The following R3HDM1 variants were observed in gnomAD, a reference collection of about 807,000 sequenced individuals.
R3HDM1 encodes R3H domain containing 1.
Under a neutral mutation model 141.1 loss-of-function variants are expected in R3HDM1, and 46 were observed. That is an observed-to-expected ratio of 0.33 (90% CI 0.26 to 0.42). The LOEUF is 0.42. Among genes scored for constraint, R3HDM1 ranks in the 10% least tolerant of loss-of-function variants. The pLI is 1.00. For missense variants in R3HDM1, 1,184 were observed against 1,368.3 expected (o/e 0.87, Z 2.12); for synonymous variants, 435 against 472.9 (o/e 0.92, Z 1.04).
At chr2:135,647,325 T>C (rs1002724345) in intron 16 of R3HDM1, among the ~76,000 whole-genome samples, 2 of 152,240 alleles carry the variant, frequency 1.3e-5, no homozygotes, top group African/African-American at 4.8e-5. Context: ...TGCAGTGCCA[T>C]GTATTTTACC....
At chr2:135,569,000 A>G (rs1408245803) in intron 1 of R3HDM1, among the ~76,000 whole-genome samples, 1 of 149,952 alleles carries the variant, frequency 6.7e-6, no homozygotes, top group African/African-American at 2.5e-5. Context: ...CTTGGGCATC[A>G]TATCTCCTCT....
At chr2:135,629,383 G>T (rs536895954) in intron 7 of R3HDM1, among the ~76,000 whole-genome samples, 1 of 152,166 alleles carries the variant, frequency 6.6e-6, no homozygotes, top group African/African-American at 2.4e-5. Flanking sequence ...TAAATTCTTT[G>T]TTGGGAAAAC....
chr2:135,694,299 A>G (rs1456155021), intron 21 of R3HDM1, among the ~76,000 whole-genome samples: 1 of 152,210 alleles, frequency 6.6e-6, no homozygotes, highest in African/African-American at 2.4e-5. Flanking sequence ...TAGAAGAGGT[A>G]TGTGTTGGAA....
rs757863745 is a variant in R3HDM1, at chr2:135,710,241, T to C, written c.2736+10T>C. The stretch of plus-strand genomic sequence containing the variant: ...AGACAATATTGTCCAGGTAAGATGG[T>C]TTTGTTCATTATCATTTTGAAACGT... On this transcript the variant is annotated intron_variant, in intron 23 of 26. Coordinates refer to ENST00000683871, the MANE Select transcript of R3HDM1 (RefSeq NM_001378107.1). 3 of 1,605,848 alleles carry C rather than the reference T, an allele frequency of 1.9e-6. No homozygotes were observed. The African/African-American group carries it at 4.0e-5, about 21-fold the overall frequency.
chr2:135,558,626 A>G (rs1177565461), intron 1 of R3HDM1, among the ~76,000 whole-genome samples: 1 of 152,240 alleles, frequency 6.6e-6, no homozygotes, highest in Non-Finnish European at 1.5e-5. Flanking sequence ...TAAAGAAATG[A>G]GTAGCCAGTA....
intron 21 of R3HDM1, among the ~76,000 whole-genome samples, chr2:135,698,631 A>C (rs577688178): frequency 1.3e-5 from 2 of 152,172 alleles, no homozygotes; most frequent in East Asian, 3.9e-4. Context: ...TGAGTAATCT[A>C]TAAAGAAAAG....
At chr2:135,652,646 G>A (rs2065267600) in intron 18 of R3HDM1, among the ~76,000 whole-genome samples, 1 of 152,180 alleles carries the variant, frequency 6.6e-6, no homozygotes, top group South Asian at 2.1e-4. Flanking sequence ...CCGGATGGTA[G>A]TAGCCTTAAA....
chr2:135,691,945 C>T (rs1280871924), intron 21 of R3HDM1, among the ~76,000 whole-genome samples: 1 of 151,784 alleles, frequency 6.6e-6, no homozygotes, highest in Non-Finnish European at 1.5e-5. Flanking sequence ...TAGAGTCTCA[C>T]TCTAGCCCAG....
At chr2:135,576,764 T>G (rs895147482) in intron 1 of R3HDM1, among the ~76,000 whole-genome samples, 2 of 152,146 alleles carry the variant, frequency 1.3e-5, no homozygotes, top group Admixed American at 6.5e-5. Flanking sequence ...GGCCACAGGT[T>G]GTATGATTTC....
At chr2:135,623,676 C>T (rs898137189) in intron 7 of R3HDM1, among the ~76,000 whole-genome samples, 1 of 152,134 alleles carries the variant, frequency 6.6e-6, no homozygotes, top group African/African-American at 2.4e-5. Context: ...GTTTATTCCT[C>T]AGTAGTCCCA....
chr2:135,692,805 A>G (rs968215317), intron 21 of R3HDM1, among the ~76,000 whole-genome samples: 20 of 152,136 alleles, frequency 1.3e-4, no homozygotes, highest in African/African-American at 4.3e-4. Context: ...CAGCTGTGGT[A>G]GTGGCAGTAG....
intron 1 of R3HDM1, chr2:135,577,226 A>C: frequency 1.0e-6 from 1 of 982,254 alleles, no homozygotes; most frequent in Non-Finnish European, 1.2e-6. Flanking sequence ...AAAATAAGAA[A>C]ATTTTACATG....
chr2:135,632,713 G>C (rs763478174), intron 9 of R3HDM1, among the ~76,000 whole-genome samples: 2 of 152,184 alleles, frequency 1.3e-5, no homozygotes, highest in Non-Finnish European at 2.9e-5. Context: ...GCTGAGTTCA[G>C]CTGAAATTTA....
At chr2:135,604,721 C>A in intron 2 of R3HDM1, 85 bp from the exon 3 acceptor site, 1 of 1,051,012 alleles carries the variant, frequency 9.5e-7, no homozygotes, top group Non-Finnish European at 1.4e-6. Flanking sequence ...AACATTATTT[C>A]TGGAACATAA....
At chr2:135,603,561 C>A (rs1003436433) in intron 2 of R3HDM1, among the ~76,000 whole-genome samples, 1 of 152,036 alleles carries the variant, frequency 6.6e-6, no homozygotes, top group Non-Finnish European at 1.5e-5. Context: ...TTTAAAGATG[C>A]ATTTCAGAAT....
intron 14 of R3HDM1, among the ~76,000 whole-genome samples, chr2:135,640,014 G>A (rs530990954): frequency 1.3e-4 from 19 of 151,354 alleles, no homozygotes; most frequent in Admixed American, 5.9e-4. Flanking sequence ...CAGGAGAATC[G>A]CTTGAACCCA....
chr2:135,615,170 G>C (rs2060903126), intron 3 of R3HDM1, among the ~76,000 whole-genome samples: 1 of 151,906 alleles, frequency 6.6e-6, no homozygotes, highest in East Asian at 1.9e-4. Context: ...CTCAAAATGG[G>C]AGCAGGACAT....
intron 1 of R3HDM1, among the ~76,000 whole-genome samples, chr2:135,546,012 G>T (rs540814197): frequency 1.3e-5 from 2 of 152,192 alleles, no homozygotes; most frequent in Non-Finnish European, 2.9e-5. Context: ...TCTTCCAGGG[G>T]ATATCAGAAT....
chr2:135,585,024 C>T (rs1316485420), intron 1 of R3HDM1, among the ~76,000 whole-genome samples: 1 of 152,120 alleles, frequency 6.6e-6, no homozygotes, highest in Non-Finnish European at 1.5e-5. Context: ...ATATTTGTTT[C>T]TTGGGTACCT....
Sources: allele counts gnomAD v4.1 joint callset (sites outside exome capture counted in the v4.1 genomes callset), GRCh38; gene constraint gnomAD v4.1.1; transcripts MANE v1.5; gene names NCBI Gene and HGNC (gene_info 2026-07-23, HGNC 2026-07-21).